Variants in ASB13 observed in about 807,000 individuals in gnomAD.
ASB13 encodes the protein ankyrin repeat and SOCS box protein 13.
In ASB13, 33 loss-of-function variants were observed where a neutral mutation model predicts 28.8. That is an observed-to-expected ratio of 1.15 (90% CI 0.87 to 1.53). The LOEUF (loss-of-function observed/expected upper bound fraction) is 1.53. ASB13 is among the 40% of genes most tolerant of loss of function. ASB13 has a pLI of 0.00. For missense variants in ASB13, 414 were observed against 390.1 expected (o/e 1.06, Z -0.52); for synonymous variants, 182 against 172.9 (o/e 1.05, Z -0.41).
At chr10:5,648,915 C>T (rs962120366) in intron 4 of ASB13, 55 bp downstream of exon 4, 45 of 1,601,194 alleles carry the variant, frequency 2.8e-5, no homozygotes, top group East Asian at 6.7e-5. Flanking sequence ...GGTAAACACC[C>T]GCTCGGGCAA....
At chr10:5,657,480 A>C (rs1835090525) in intron 1 of ASB13, among the ~76,000 whole-genome samples, 1 of 152,184 alleles carries the variant, frequency 6.6e-6, no homozygotes, top group Non-Finnish European at 1.5e-5. Context: ...CCACAATAAG[A>C]TACTACCTCA....
Position 5,658,432 on chromosome 10 carries a change from A to AC in ASB13, c.44-5383_44-5382insG, listed in dbSNP as rs1269078689. 1.4e-3 allele frequency among the ~76,000 whole-genome samples: 205 copies of AC among 151,058 alleles called. No homozygotes were observed. The highest frequency in any genetic ancestry group is 3.4e-3 in the Middle Eastern group (1 of 292). On this transcript the variant is annotated intron_variant, in intron 1 of 5. Transcript: ENST00000357700. The surrounding 1 kb of genome is among the most constrained non-coding windows in gnomAD (Gnocchi z 4.2). ...GGTGACTTTGTCTGAAAAAAAAAAA[A>AC]AAAACAAAACCAAATAAGCCATTTC...
Position 5,659,535 on chromosome 10 carries a change from G to A in ASB13, c.44-6485C>T, listed in dbSNP as rs560368894. ...AGTGGCTGCAAGTCCCATGCTTTGC[G>A]TATGCTGTTCCTTCCCCTGCCTGGA... On this transcript the variant is annotated intron_variant, in intron 1 of 5. Coordinates refer to ENST00000357700, the MANE Select transcript of ASB13 (RefSeq NM_024701.4). The surrounding 1 kb of genome is among the most constrained non-coding windows in gnomAD (Gnocchi z 5.8). Among the ~76,000 whole-genome samples, 35 of 152,278 alleles carry A rather than the reference G, an allele frequency of 2.3e-4. No homozygotes were observed. The highest frequency in any genetic ancestry group is 2.0e-4 in the Admixed American group (3 of 15,298).
rs925276156 is a variant in ASB13 at position 5,652,710 on chromosome 10, C to T, written c.231+153G>A. On this transcript the variant is annotated intron_variant, in intron 2 of 5. Coordinates refer to ENST00000357700, the MANE Select transcript of ASB13 (RefSeq NM_024701.4). The surrounding 1 kb of genome is among the most constrained non-coding windows in gnomAD (Gnocchi z 5.0). ...CGTGACCTCCTAACAGCCAGGTCCA[C>T]GAGCACTTCTCAGCCATGGGCTTCC... 8.5e-5 allele frequency among the ~76,000 whole-genome samples: 13 copies of T among 152,330 alleles called. No homozygotes were observed. The highest frequency in any genetic ancestry group is 2.4e-4 in the African/African-American group (10 of 41,584).
intron 4 of ASB13, among the ~76,000 whole-genome samples, chr10:5,647,472 T>C (rs535880692): frequency 6.6e-6 from 1 of 152,326 alleles, no homozygotes; most frequent in African/African-American, 2.4e-5. Flanking sequence ...TCTTTGGGAA[T>C]CTCAATCCTG....
chr10:5,657,219 A>C (rs967714768), intron 1 of ASB13, among the ~76,000 whole-genome samples: 5 of 152,238 alleles, frequency 3.3e-5, no homozygotes, highest in African/African-American at 1.2e-4. Context: ...CGTGCATCAA[A>C]GGGCACAATC....
rs2386647 is a variant in ASB13 at position 5,649,172 on chromosome 10, C to T, written c.383-68G>A. 0.13 allele frequency: 215,204 copies of T among 1,596,860 alleles called. 25,737 individuals are homozygous for T. Among genetic ancestry groups the T allele is most frequent in the East Asian group, 0.53 (23,766 of 44,662 alleles). ...ACACTGGAGACAACAAGCACACAGA[C>T]GCGGCAGGGGCAGCAGCCTCCATCC... On this transcript the variant is annotated intron_variant, in intron 3 of 5. Transcript: ENST00000357700. The surrounding 1 kb of genome is among the most constrained non-coding windows in gnomAD (Gnocchi z 6.4).
chr10:5,665,813 T>G (rs906952553), intron 1 of ASB13, among the ~76,000 whole-genome samples: 1 of 152,228 alleles, frequency 6.6e-6, no homozygotes, highest in Non-Finnish European at 1.5e-5. Flanking sequence ...TTTTTTCTTT[T>G]TAGGCTTTCA....
At position 5,658,451 on chromosome 10, in the gene ASB13, C is replaced by T. The variant is rs1033689377; in HGVS notation, c.44-5401G>A. Among the ~76,000 whole-genome samples the T allele has an allele frequency of 5.9e-5, 9 of 151,428 alleles. No homozygotes were observed. The highest frequency in any genetic ancestry group is 1.9e-4 in the African/African-American group (8 of 41,276). ...AAAAAAAAAAACAAAACCAAATAAGCCATTTCTGAAAAGCCAAATACTGTA... is the reference window on the plus strand; with the variant it reads ...AAAAAAAAAAACAAAACCAAATAAGTCATTTCTGAAAAGCCAAATACTGTA... On this transcript the variant is annotated intron_variant, in intron 1 of 5. Transcript: ENST00000357700. The surrounding 1 kb of genome is among the most constrained non-coding windows in gnomAD (Gnocchi z 4.2).
Position 5,642,018 on chromosome 10 carries a change from G to T in ASB13, c.518-57C>A. 1.3e-6 allele frequency: 2 copies of T among 1,546,210 alleles called. No individual in the cohort carries two copies. The highest frequency in any genetic ancestry group is 2.3e-5 in the South Asian group (2 of 85,378). Reference sequence around the variant, plus strand: ...CAAGAAGAGAACTTGAAGTCAGGGGGACAATCAGGTCCGTTTCGTCACACA... The same window carrying T: ...CAAGAAGAGAACTTGAAGTCAGGGGTACAATCAGGTCCGTTTCGTCACACA... On this transcript the variant is annotated intron_variant, in intron 4 of 5. Transcript: ENST00000357700. This position sits in a 1 kb window ranked among gnomAD's most constrained non-coding sequence, Gnocchi z 4.1.
rs187349207 is a variant in ASB13 at position 5,659,534 on chromosome 10, C to G, written c.44-6484G>C. On this transcript the variant is annotated intron_variant, in intron 1 of 5. Coordinates refer to ENST00000357700, the MANE Select transcript of ASB13 (RefSeq NM_024701.4). The surrounding 1 kb of genome is among the most constrained non-coding windows in gnomAD (Gnocchi z 5.8). Reference sequence around the variant, plus strand: ...CAGTGGCTGCAAGTCCCATGCTTTGCGTATGCTGTTCCTTCCCCTGCCTGG... The same window carrying G: ...CAGTGGCTGCAAGTCCCATGCTTTGGGTATGCTGTTCCTTCCCCTGCCTGG... 6.6e-6 allele frequency among the ~76,000 whole-genome samples: 1 copy of G among 152,206 alleles called. No homozygotes were observed. Among genetic ancestry groups the G allele is most frequent in the African/African-American group, 2.4e-5 (1 of 41,444 alleles).
rs1340625918 is a variant in ASB13 at position 5,651,100 on chromosome 10, GC to G, written c.382+112del. 1 of 1,364,438 alleles carries G rather than the reference GC, an allele frequency of 7.3e-7. No homozygotes were observed. The highest frequency in any genetic ancestry group is 1.5e-5 in the African/African-American group (1 of 67,790). The allele number at this position is 1,364,438 out of a possible 1,614,324, so 84.5% of individuals were successfully genotyped here. A position where few individuals can be genotyped will look rare whatever the true frequency, so the allele number is the denominator to read the frequency against. On this transcript the variant is annotated intron_variant, in intron 3 of 5. Coordinates refer to ENST00000357700, the MANE Select transcript of ASB13 (RefSeq NM_024701.4). This position sits in a 1 kb window ranked among gnomAD's most constrained non-coding sequence, Gnocchi z 5.1. ...ACAGACTCAGAACTCTCCTTCACCA[GC>G]CAAGGGCTCCCAATTCTGTCTACTC...
rs930502949 is a variant in ASB13, at chr10:5,644,513, A to C, written c.518-2552T>G. ...CCATAGTGAGAAAGAGAACATAAAC[A>C]GGTACTCGTTAGAGGAAAACAGGGC... is the stretch of plus-strand genomic sequence containing the variant. On this transcript the variant is annotated intron_variant, in intron 4 of 5. Coordinates refer to ENST00000357700, the MANE Select transcript of ASB13 (RefSeq NM_024701.4). This position sits in a 1 kb window ranked among gnomAD's most constrained non-coding sequence, Gnocchi z 5.1. Among the ~76,000 whole-genome samples the C allele has an allele frequency of 6.6e-6, 1 of 151,726 alleles. No homozygotes were observed. The highest frequency in any genetic ancestry group is 1.5e-5 in the Non-Finnish European group (1 of 67,908).
At chr10:5,665,203 TGAG>T (rs958414568) in intron 1 of ASB13, among the ~76,000 whole-genome samples, 2 of 152,178 alleles carry the variant, frequency 1.3e-5, no homozygotes, top group Non-Finnish European at 2.9e-5. Context: ...ATCCAGAATT[TGAG>T]GTCAGAATGT....
chr10:5,656,375 T>G lies in ASB13; in HGVS notation c.44-3325A>C, dbSNP rs1835076483. On this transcript the variant is annotated intron_variant, in intron 1 of 5. Coordinates refer to ENST00000357700, the MANE Select transcript of ASB13 (RefSeq NM_024701.4). The surrounding 1 kb of genome is among the most constrained non-coding windows in gnomAD (Gnocchi z 4.3). ...CAACATGGTGAAACCCCATCTCTAC[T>G]AAAAATACAAAGAATTAGCCGGCCG... Among the ~76,000 whole-genome samples the G allele has an allele frequency of 6.6e-6, 1 of 152,060 alleles. No homozygotes were observed. Among genetic ancestry groups the G allele is most frequent in the African/African-American group, 2.4e-5 (1 of 41,388 alleles).
Position 5,649,216 on chromosome 10 carries a change from G to C in ASB13, c.383-112C>G. The C allele has an allele frequency of 6.8e-7, 1 of 1,461,894 alleles. No homozygotes were observed. Among genetic ancestry groups the C allele is most frequent in the East Asian group, 2.3e-5 (1 of 43,762 alleles). The allele number at this position is 1,461,894 out of a possible 1,614,324, so 90.6% of individuals were successfully genotyped here. On this transcript the variant is annotated intron_variant, in intron 3 of 5. Transcript: ENST00000357700. The surrounding 1 kb of genome is among the most constrained non-coding windows in gnomAD (Gnocchi z 6.4). ...TCCATCCTTGGTGCAGGGCAGGGAA[G>C]CCAGGCAGGCCTGCGTCCCAACCTA...
rs988776043 is a variant in ASB13 at position 5,645,291 on chromosome 10, A to G, written c.518-3330T>C. Among the ~76,000 whole-genome samples, 5 of 152,212 alleles carry G rather than the reference A, an allele frequency of 3.3e-5. No individual in the cohort carries two copies. The highest frequency in any genetic ancestry group is 4.8e-5 in the African/African-American group (2 of 41,584). On this transcript the variant is annotated intron_variant, in intron 4 of 5. Transcript: ENST00000357700. The surrounding 1 kb of genome is among the most constrained non-coding windows in gnomAD (Gnocchi z 5.4). ...ATAATTAAAAAATTTTTTAAAAATT[A>G]AACAACAATTTTAAAAAAATTTTTT...
rs543954644 is a variant in ASB13 at position 5,655,597 on chromosome 10, C to A, written c.44-2547G>T. The stretch of plus-strand genomic sequence containing the variant: ...ACTGAACCACAAAGGAAGATTCGAT[C>A]CCCACAAAATGTAAAAGTCAAGCTT... On this transcript the variant is annotated intron_variant, in intron 1 of 5. Transcript: ENST00000357700. The surrounding 1 kb of genome is among the most constrained non-coding windows in gnomAD (Gnocchi z 6.2). 3.3e-5 allele frequency among the ~76,000 whole-genome samples: 5 copies of A among 152,312 alleles called. No homozygotes were observed. The highest frequency in any genetic ancestry group is 1.2e-4 in the African/African-American group (5 of 41,562).
At chr10:5,648,656 A>G (rs1834931006) in intron 4 of ASB13, among the ~76,000 whole-genome samples, 1 of 150,014 alleles carries the variant, frequency 6.7e-6, no homozygotes, top group Non-Finnish European at 1.5e-5. Flanking sequence ...GCGGGCAAAC[A>G]CCCACTCGGG....
Sources: gnomAD v4.1 joint callset for allele counts (sites outside exome capture counted in the v4.1 genomes callset) on GRCh38, gnomAD v4.1.1 for gene constraint, Gnocchi (gnomAD v3.1) non-coding constraint, MANE v1.5 for transcripts, NCBI Gene and HGNC (gene_info 2026-07-23, HGNC 2026-07-21) for gene names.